Variants in STEEP1 observed in about 807,000 individuals in gnomAD.
The protein encoded by STEEP1 is STING1 ER exit protein 1.
A neutral mutation model predicts 19.2 loss-of-function variants in STEEP1; 3 were observed. The ratio of observed to expected loss-of-function variants is 0.16; its 90% confidence interval spans 0.07 to 0.40. The LOEUF (loss-of-function observed/expected upper bound fraction) is 0.40, where lower values mean the gene tolerates loss of function less well. Ranked by LOEUF, STEEP1 falls within the 10% of genes least tolerant of loss-of-function variation. The pLI, the probability that STEEP1 is intolerant of heterozygous loss-of-function variation, is 0.99. For missense variants in STEEP1, 54 were observed against 177.1 expected (o/e 0.30, Z 3.94); for synonymous variants, 46 against 63.7 (o/e 0.72, Z 1.32).
intron 1 of STEEP1, 103 bp downstream of exon 1, chrX:119,565,129 C>T: frequency 9.1e-7 from 1 of 1,103,852 alleles, no homozygotes; most frequent in Non-Finnish European, 1.2e-6. Flanking sequence ...ACCCACCAAT[C>T]TTCGTTGAGA....
chrX:119,560,735 C>T (rs1002783861), intron 1 of STEEP1, among the ~76,000 whole-genome samples: 4 of 111,490 alleles, frequency 3.6e-5, no homozygotes, highest in African/African-American at 9.8e-5. Context: ...GATCATAGTA[C>T]ACTTGGTTTG....
chrX:119,560,399 G>C lies in STEEP1; in HGVS notation c.125-14C>G. 2.6e-6 allele frequency: 3 copies of C among 1,141,639 alleles called. No homozygotes were observed. Among genetic ancestry groups the C allele is most frequent in the Non-Finnish European group, 3.6e-6 (3 of 831,741 alleles). 94.1% of individuals were successfully genotyped at this position (1,141,639 alleles called of 1,213,427 possible). A position where few individuals can be genotyped will look rare whatever the true frequency, so the allele number is the denominator to read the frequency against. On this transcript the variant is annotated splice_polypyrimidine_tract_variant and intron_variant, in intron 1 of 6. Coordinates refer to ENST00000644802, the MANE Select transcript of STEEP1 (RefSeq NM_022101.4). ...CTAACTGGCAGTCTGAAGGAATGGA[G>C]AGATTTGGTCACTAGAGTCATGGCA...
chrX:119,545,785 C>T (rs1358367179), intron 2 of STEEP1, among the ~76,000 whole-genome samples: 1 of 106,628 alleles, frequency 9.4e-6, no homozygotes, highest in Non-Finnish European at 1.9e-5. Context: ...CTCAGCTACT[C>T]GGGAGGCTGA....
intron 2 of STEEP1, among the ~76,000 whole-genome samples, chrX:119,551,509 CCT>C (rs2053241369): frequency 9.1e-6 from 1 of 110,175 alleles, no homozygotes; most frequent in Admixed American, 9.8e-5. Flanking sequence ...ATTTCTACTT[CCT>C]CTGTTTCCCC....
At chrX:119,565,040 C>G in intron 1 of STEEP1, 192 bp downstream of exon 1, 2 of 538,736 alleles carry the variant, frequency 3.7e-6, no homozygotes. Context: ...AGTCACAAGG[C>G]TAAACAAAAA....
chrX:119,556,034 C>T (rs1274504421), intron 2 of STEEP1, among the ~76,000 whole-genome samples: 3 of 111,844 alleles, frequency 2.7e-5, no homozygotes, highest in African/African-American at 9.7e-5. Flanking sequence ...CCAAGGATAG[C>T]AGGGCAAAGG....
intron 3 of STEEP1, 134 bp from the exon 4 acceptor site, chrX:119,544,625 C>G (rs1489344958): frequency 1.8e-6 from 1 of 570,843 alleles, no homozygotes; most frequent in African/African-American, 2.3e-5. Flanking sequence ...CTCAGTGTCT[C>G]CCAAAACTAC....
At chrX:119,540,871 C>T (rs1259005710) in intron 6 of STEEP1, among the ~76,000 whole-genome samples, 2 of 111,018 alleles carry the variant, frequency 1.8e-5, no homozygotes, top group African/African-American at 6.5e-5. Flanking sequence ...CATGGTGAAA[C>T]CCCATCTCTA....
At chrX:119,557,169 A>AAAAG (rs1556215409) in intron 2 of STEEP1, among the ~76,000 whole-genome samples, 1 of 105,363 alleles carries the variant, frequency 9.5e-6, no homozygotes, top group African/African-American at 3.4e-5. Context: ...AAAAAAAAAA[A>AAAAG]AAAAGAAAAG....
At chrX:119,557,478 CAAAAAAAAA>C (rs55913451) in intron 2 of STEEP1, among the ~76,000 whole-genome samples, 1 of 68,966 alleles carries the variant, frequency 1.4e-5, no homozygotes, top group Non-Finnish European at 2.5e-5. Flanking sequence ...CACACCATCT[CAAAAAAAAA>C]AAAAAAAAGA....
At chrX:119,543,919 T>C (rs1244116493) in intron 4 of STEEP1, among the ~76,000 whole-genome samples, 1 of 112,565 alleles carries the variant, frequency 8.9e-6, no homozygotes, top group Non-Finnish European at 1.9e-5. Context: ...ATACAATTTC[T>C]AACCTTAGTC....
In STEEP1 at chrX:119,561,009, C is replaced by CAA. The variant is rs60535599; in HGVS notation, c.125-626_125-625dup. 1.7e-3 allele frequency among the ~76,000 whole-genome samples: 141 copies of CAA among 81,206 alleles called. 1 individual carries two copies. Among genetic ancestry groups the CAA allele is most frequent in the South Asian group, 5.6e-3 (9 of 1,602 alleles). The allele number at this position is 81,206 out of a possible 115,157, so 70.5% of individuals were successfully genotyped here. ...ACAGCAAGACCCTGTCTCTGTTTTA[C>CAA]AAAAAAAAAAAAAAAAGAGGCCAGG... is the stretch of plus-strand genomic sequence containing the variant. On this transcript the variant is annotated intron_variant, in intron 1 of 6. Transcript: ENST00000644802.
intron 5 of STEEP1, 50 bp from the exon 6 acceptor site, chrX:119,541,470 A>G (rs1468806383): frequency 1.4e-6 from 1 of 725,184 alleles, no homozygotes; most frequent in Non-Finnish European, 2.2e-6. Context: ...CCAAGGAATA[A>G]CAACAAAGAC....
At chrX:119,555,692 G>A (rs781490342) in intron 2 of STEEP1, among the ~76,000 whole-genome samples, 9 of 110,711 alleles carry the variant, frequency 8.1e-5, no homozygotes, top group Admixed American at 6.8e-4. Context: ...AAGTGATTTT[G>A]GGTACTGAAA....
chrX:119,546,084 CAAT>C (rs1425675957), intron 2 of STEEP1, among the ~76,000 whole-genome samples: 1 of 109,808 alleles, frequency 9.1e-6, no homozygotes, highest in African/African-American at 3.3e-5. Flanking sequence ...ATAACAACAA[CAAT>C]AATAGCGGCA....
At chrX:119,543,827 C>CA (rs1387164440) in intron 4 of STEEP1, among the ~76,000 whole-genome samples, 2 of 109,554 alleles carry the variant, frequency 1.8e-5, no homozygotes, top group South Asian at 3.8e-4. Flanking sequence ...TTTAATTGTT[C>CA]AAAAAAAAAT....
chrX:119,540,066 C>A (rs905210861), intron 6 of STEEP1, among the ~76,000 whole-genome samples: 3 of 111,647 alleles, frequency 2.7e-5, no homozygotes, highest in Non-Finnish European at 5.6e-5. Context: ...CAGCGCCCCC[C>A]ACAGGCTGAG....
chrX:119,562,888 G>C (rs1037820127), intron 1 of STEEP1, among the ~76,000 whole-genome samples: 2 of 111,701 alleles, frequency 1.8e-5, no homozygotes, highest in African/African-American at 6.5e-5. Context: ...CATTTTAGCA[G>C]AGACCTGAAT....
chrX:119,545,893 C>CA (rs71927150), intron 2 of STEEP1, among the ~76,000 whole-genome samples: 3,384 of 55,313 alleles, frequency 0.061, 95 homozygotes, highest in South Asian at 0.085. Flanking sequence ...AACTCCGTCT[C>CA]AAAAAAAAAA....
Sources: allele counts gnomAD v4.1 joint callset (sites outside exome capture counted in the v4.1 genomes callset), GRCh38; gene constraint gnomAD v4.1.1; transcripts MANE v1.5; gene names NCBI Gene and HGNC (gene_info 2026-07-23, HGNC 2026-07-21).